PRKAA1: variants seen among roughly 807,000 people sequenced by gnomAD.
PRKAA1 encodes protein kinase AMP-activated catalytic subunit alpha 1, also known as 5'-AMP-activated protein kinase catalytic subunit alpha-1.
A neutral mutation model predicts 56.9 loss-of-function variants in PRKAA1; 23 were observed. That is an observed-to-expected ratio of 0.40 (90% CI 0.29 to 0.57). The LOEUF is 0.57. PRKAA1 is among the 20% of genes least tolerant of loss of function. PRKAA1 has a pLI of 0.39. For missense variants in PRKAA1, 413 were observed against 679.7 expected, an observed-to-expected ratio of 0.61 and a Z score of 4.36; for synonymous variants, 226 against 227.0, an observed-to-expected ratio of 1.00 and a Z score of 0.04.
intron 1 of PRKAA1, among the ~76,000 whole-genome samples, chr5:40,785,839 C>CAGAGAGAGAGAGAGAGAGAG (rs10594859): frequency 1.7e-5 from 1 of 58,480 alleles, no homozygotes; most frequent in African/African-American, 5.5e-5. Flanking sequence ...CACACACACA[C>CAGAGAGAGAGAGAGAGAGAG]AGAGAGAGAG....
chr5:40,771,997 G>T, intron 3 of PRKAA1, 134 bp from the exon 4 acceptor site: 1 of 1,100,070 alleles, frequency 9.1e-7, no homozygotes, highest in Non-Finnish European at 1.3e-6. Flanking sequence ...AGATACTTTT[G>T]ACATGAGGAG....
At chr5:40,771,367 G>T (rs1014951521) in intron 4 of PRKAA1, among the ~76,000 whole-genome samples, 3 of 152,146 alleles carry the variant, frequency 2.0e-5, no homozygotes, top group African/African-American at 4.8e-5. Context: ...GCCTGGCATG[G>T]TAGTGCACGC....
intron 1 of PRKAA1, among the ~76,000 whole-genome samples, chr5:40,783,297 CTA>C (rs1744336807): frequency 6.6e-6 from 1 of 151,870 alleles, no homozygotes; most frequent in African/African-American, 2.4e-5. Context: ...CATAGGAAAA[CTA>C]TAGAAAATGT....
rs753212344 is a variant in PRKAA1, at chr5:40,765,184, T to C, written c.876A>G (p.Pro292=). 6.2e-6 allele frequency: 10 copies of C among 1,613,900 alleles called. No individual in the cohort carries two copies. Among genetic ancestry groups the C allele is most frequent in the Middle Eastern group, 1.6e-4 (1 of 6,084 alleles). Residue 292 remains proline, a synonymous_variant, in exon 7 of 9, where the codon CCA becomes CCG. Coordinates refer to ENST00000397128, the MANE Select transcript of PRKAA1 (RefSeq NM_006251.6). The part of the protein sequence containing the change: ...DLPKYLFPED[P]SYSSTMIDDE... Reference sequence around the variant, plus strand: ...CATCAATCATGGTTGAACTATATGATGGATCCTCAGGAAAGAGATATTTTG... The same window carrying C: ...CATCAATCATGGTTGAACTATATGACGGATCCTCAGGAAAGAGATATTTTG...
chr5:40,771,239 T>C (rs1743732713), intron 4 of PRKAA1, among the ~76,000 whole-genome samples: 2 of 152,206 alleles, frequency 1.3e-5, no homozygotes, highest in Non-Finnish European at 2.9e-5. Context: ...GGTGCAGTGG[T>C]GCACACCTGT....
chr5:40,790,115 A>G (rs1744655191), intron 1 of PRKAA1: 1 of 152,252 alleles, frequency 6.6e-6, no homozygotes, highest in Non-Finnish European at 1.5e-5. Flanking sequence ...CACCAAAGAC[A>G]TGATTTTGAG....
intron 1 of PRKAA1, among the ~76,000 whole-genome samples, chr5:40,789,608 T>C (rs1744633420): frequency 1.3e-5 from 2 of 152,158 alleles, no homozygotes; most frequent in Non-Finnish European, 2.9e-5. Flanking sequence ...GAGAGTAGAA[T>C]GGTGATTACC....
Position 40,796,935 on chromosome 5 carries a change from C to T in PRKAA1, c.127+1128G>A, listed in dbSNP as rs116537939. ...ATGAATTATTTTTATCAGTTCCAAA[C>T]TTCCTTTCTCTGCATCCCTTATAAC... On this transcript the variant is annotated intron_variant, in intron 1 of 8. Coordinates refer to ENST00000397128, the MANE Select transcript of PRKAA1 (RefSeq NM_006251.6). Among the ~76,000 whole-genome samples, 1,448 of 152,214 alleles carry T rather than the reference C, an allele frequency of 9.5e-3. 26 individuals carry two copies. Among genetic ancestry groups the T allele is most frequent in the African/African-American group, 0.033 (1,360 of 41,528 alleles).
chr5:40,772,381 CAGTG>C (rs1406780710), intron 3 of PRKAA1, among the ~76,000 whole-genome samples: 1 of 152,022 alleles, frequency 6.6e-6, no homozygotes, highest in Non-Finnish European at 1.5e-5. Context: ...AATATAGGTG[CAGTG>C]AGTGATAGTG....
Position 40,762,679 on chromosome 5 carries a change from C to A in PRKAA1, c.*99G>T, listed in dbSNP as rs747144751. 61 of 1,462,028 alleles carry A rather than the reference C, an allele frequency of 4.2e-5. No homozygotes were observed. The highest frequency in any genetic ancestry group is 5.1e-5 in the Non-Finnish European group (55 of 1,081,480). The allele number at this position is 1,462,028 out of a possible 1,614,324, so 90.6% of individuals were successfully genotyped here. A position where few individuals can be genotyped will look rare whatever the true frequency, so the allele number is the denominator to read the frequency against. ...AATTGCATTCCAAAACGCCAGCCCTCGGTTATAATTATGTATAACTTGATT... is the reference window on the plus strand; with the variant it reads ...AATTGCATTCCAAAACGCCAGCCCTAGGTTATAATTATGTATAACTTGATT... On this transcript the variant is annotated 3_prime_UTR_variant, in exon 9 of 9. Coordinates refer to ENST00000397128, the MANE Select transcript of PRKAA1 (RefSeq NM_006251.6).
chr5:40,762,677 C>A lies in PRKAA1; in HGVS notation c.*101G>T. 6.9e-7 allele frequency: 1 copy of A among 1,457,606 alleles called. No individual in the cohort carries two copies. The highest frequency in any genetic ancestry group is 9.3e-7 in the Non-Finnish European group (1 of 1,078,628). 90.3% of individuals were successfully genotyped at this position (1,457,606 alleles called of 1,614,324 possible). ...CAAATTGCATTCCAAAACGCCAGCC[C>A]TCGGTTATAATTATGTATAACTTGA... On this transcript the variant is annotated 3_prime_UTR_variant, in exon 9 of 9. Coordinates refer to ENST00000397128, the MANE Select transcript of PRKAA1 (RefSeq NM_006251.6).
intron 1 of PRKAA1, among the ~76,000 whole-genome samples, chr5:40,784,678 C>T (rs1561183530): frequency 6.6e-6 from 1 of 152,094 alleles, no homozygotes; most frequent in African/African-American, 2.4e-5. Context: ...ATACAACTTA[C>T]TAGTTAATAT....
intron 1 of PRKAA1, among the ~76,000 whole-genome samples, chr5:40,789,822 G>T (rs571639681): frequency 5.9e-5 from 9 of 152,136 alleles, no homozygotes; most frequent in Non-Finnish European, 1.3e-4. Flanking sequence ...TGAGGAGATG[G>T]ATATACTACT....
intron 6 of PRKAA1, among the ~76,000 whole-genome samples, chr5:40,766,848 A>G (rs1432714409): frequency 6.6e-6 from 1 of 151,884 alleles, no homozygotes; most frequent in African/African-American, 2.4e-5. Context: ...AAAAACAAAA[A>G]GCAAAACAAT....
chr5:40,774,550 T>A (rs391241), intron 3 of PRKAA1, among the ~76,000 whole-genome samples: 17 of 129,580 alleles, frequency 1.3e-4, no homozygotes, highest in South Asian at 4.8e-4. Flanking sequence ...CCAGGCAGAA[T>A]TTTTTTTTTT....
intron 1 of PRKAA1, among the ~76,000 whole-genome samples, chr5:40,781,617 A>C: frequency 6.6e-6 from 1 of 152,200 alleles, no homozygotes; most frequent in East Asian, 1.9e-4. Context: ...TAGGTAAAAA[A>C]ATTAAACAAA....
intron 3 of PRKAA1, among the ~76,000 whole-genome samples, chr5:40,773,493 C>A (rs1743847113): frequency 6.6e-6 from 1 of 152,110 alleles, no homozygotes; most frequent in African/African-American, 2.4e-5. Context: ...AATCTTTTGT[C>A]TCCAACTCTT....
intron 1 of PRKAA1, among the ~76,000 whole-genome samples, chr5:40,796,514 G>C (rs1744935584): frequency 6.6e-6 from 1 of 151,958 alleles, no homozygotes; most frequent in African/African-American, 2.4e-5. Context: ...AAATATCATA[G>C]CCAAAGATAA....
intron 3 of PRKAA1, 86 bp downstream of exon 3, chr5:40,775,324 T>C (rs1185411225): frequency 2.9e-6 from 3 of 1,032,654 alleles, no homozygotes; most frequent in Non-Finnish European, 4.5e-6. Flanking sequence ...AATAGACCTC[T>C]TAAAATTGGT....
Sources: allele counts gnomAD v4.1 joint callset (sites outside exome capture counted in the v4.1 genomes callset), GRCh38; gene constraint gnomAD v4.1.1; transcripts MANE v1.5; gene names NCBI Gene and HGNC (gene_info 2026-07-23, HGNC 2026-07-21).